The following HERC4 variants were observed in gnomAD, a reference collection of about 807,000 sequenced individuals.
HERC4 encodes the protein probable E3 ubiquitin-protein ligase HERC4.
A neutral mutation model predicts 124.3 loss-of-function variants in HERC4; 28 were observed. The observed-to-expected ratio is 0.23, with a 90% CI of 0.17 to 0.31. HERC4 has a LOEUF of 0.31. HERC4 is among the 10% of genes least tolerant of loss of function. The pLI, the probability that HERC4 is intolerant of heterozygous loss-of-function variation, is 1.00. For synonymous variants in HERC4, 407 were observed against 421.5 expected (o/e 0.97, Z 0.42); for missense variants, 713 against 1,229.3 (o/e 0.58, Z 6.28).
intron 23 of HERC4, among the ~76,000 whole-genome samples, chr10:67,929,970 C>A (rs1347776953): frequency 6.6e-6 from 1 of 152,102 alleles, no homozygotes; most frequent in African/African-American, 2.4e-5. Context: ...CCACACCCAG[C>A]TAATTTTGTA....
chr10:68,040,071 T>C, intron 4 of HERC4: 1 of 809,794 alleles, frequency 1.2e-6, no homozygotes, highest in Non-Finnish European at 1.5e-6. Context: ...CCTACTATAG[T>C]GCCTAATTAA....
chr10:67,963,778 C>T (rs1350575351), intron 16 of HERC4, among the ~76,000 whole-genome samples: 2 of 152,142 alleles, frequency 1.3e-5, no homozygotes, highest in Non-Finnish European at 2.9e-5. Context: ...GAACAAGGTT[C>T]ATTTCCTGAA....
chr10:67,929,028 T>A (rs181366192), intron 23 of HERC4, among the ~76,000 whole-genome samples: 54 of 152,330 alleles, frequency 3.5e-4, no homozygotes, highest in African/African-American at 1.3e-3. Flanking sequence ...CTTTCTGTCT[T>A]CCAAAACTAT....
chr10:67,972,622 C>T (rs2035319028), intron 15 of HERC4, among the ~76,000 whole-genome samples: 1 of 141,392 alleles, frequency 7.1e-6, no homozygotes, highest in African/African-American at 2.6e-5. Context: ...ACAATAGCAT[C>T]AAAAACATAA....
At chr10:67,965,194 T>C (rs559091472) in intron 16 of HERC4, 3 of 152,360 alleles carry the variant, frequency 2.0e-5, no homozygotes, top group Admixed American at 6.5e-5. Flanking sequence ...CTCCTTGTCA[T>C]TCAGATTAGT....
intron 5 of HERC4, among the ~76,000 whole-genome samples, chr10:68,036,317 CAA>C (rs755357703): frequency 2.7e-4 from 18 of 66,684 alleles, no homozygotes; most frequent in Admixed American, 5.2e-4. Context: ...GACTCCATCT[CAA>C]AAAAAAAAAA....
At chr10:67,957,473 T>C (rs2034215956) in intron 16 of HERC4, among the ~76,000 whole-genome samples, 1 of 152,206 alleles carries the variant, frequency 6.6e-6, no homozygotes, top group Admixed American at 6.6e-5. Flanking sequence ...AAAGTACCAT[T>C]AGTATTACTA....
intron 23 of HERC4, among the ~76,000 whole-genome samples, chr10:67,931,229 C>T (rs981679700): frequency 2.6e-5 from 4 of 151,986 alleles, no homozygotes; most frequent in African/African-American, 9.7e-5. Flanking sequence ...CGTGATCCGC[C>T]CGCCTCGGTG....
intron 16 of HERC4, among the ~76,000 whole-genome samples, chr10:67,959,368 C>T (rs1379451826): frequency 1.3e-5 from 2 of 151,866 alleles, no homozygotes; most frequent in East Asian, 1.9e-4. Context: ...ATGATTGAGG[C>T]TTGAACATAA....
chr10:67,981,630 T>G (rs1464520288), intron 15 of HERC4, among the ~76,000 whole-genome samples: 1 of 152,238 alleles, frequency 6.6e-6, no homozygotes, highest in Admixed American at 6.5e-5. Context: ...ACACCATATG[T>G]TATGTCATAA....
At chr10:68,066,508 C>T (rs2041311213) in intron 3 of HERC4, among the ~76,000 whole-genome samples, 1 of 152,200 alleles carries the variant, frequency 6.6e-6, no homozygotes, top group South Asian at 2.1e-4. Flanking sequence ...CTTTGTTAGA[C>T]TGCTCAGATT....
intron 3 of HERC4, among the ~76,000 whole-genome samples, chr10:68,046,368 T>G (rs1458324097): frequency 6.6e-6 from 1 of 152,168 alleles, no homozygotes; most frequent in Admixed American, 6.6e-5. Flanking sequence ...TAGCATCAGC[T>G]ATAAAGATAG....
intron 9 of HERC4, among the ~76,000 whole-genome samples, chr10:67,998,563 AG>A (rs58245126): frequency 0.3 from 39,028 of 130,544 alleles, 6,816 homozygotes; most frequent in East Asian, 0.71. Flanking sequence ...AAAAAAAAAA[AG>A]GGGGGGGGGT....
At chr10:67,954,532 T>C (rs928441136) in intron 19 of HERC4, 63 bp downstream of exon 19, 15 of 1,281,982 alleles carry the variant, frequency 1.2e-5, no homozygotes, top group Middle Eastern at 3.9e-4. Flanking sequence ...ATTAACTTGA[T>C]ACATACAGGT....
intron 19 of HERC4, among the ~76,000 whole-genome samples, chr10:67,950,111 G>T (rs1011039920): frequency 2.0e-5 from 3 of 152,022 alleles, no homozygotes; most frequent in African/African-American, 7.2e-5. Context: ...TAAAAATGCT[G>T]AACAAACTAG....
chr10:68,035,156 CT>C (rs34966031), intron 5 of HERC4, among the ~76,000 whole-genome samples: 2,932 of 139,562 alleles, frequency 0.021, 74 homozygotes, highest in African/African-American at 0.068. Context: ...GACAACCACT[CT>C]TTTTTTTTTT....
intron 3 of HERC4, among the ~76,000 whole-genome samples, chr10:68,053,009 T>C (rs114549705): frequency 1.2e-4 from 19 of 152,360 alleles, no homozygotes; most frequent in African/African-American, 4.3e-4. Context: ...TATATACTGA[T>C]AGTTTATTTC....
intron 1 of HERC4, chr10:68,074,140 CTGAA>C (rs1227183355): frequency 2.6e-5 from 4 of 152,310 alleles, no homozygotes; most frequent in South Asian, 2.1e-4. Flanking sequence ...AGCACACTGA[CTGAA>C]TATTTCCTCA....
intron 15 of HERC4, among the ~76,000 whole-genome samples, chr10:67,975,541 G>A (rs1252568722): frequency 2.6e-5 from 4 of 151,972 alleles, no homozygotes; most frequent in Non-Finnish European, 5.9e-5. Flanking sequence ...GTAGAGATGG[G>A]ATTTCACCAT....
Sources: allele counts gnomAD v4.1 joint callset (sites outside exome capture counted in the v4.1 genomes callset), GRCh38; gene constraint gnomAD v4.1.1; transcripts MANE v1.5; gene names NCBI Gene and HGNC (gene_info 2026-07-23, HGNC 2026-07-21).